APAF1: variants seen among roughly 807,000 people sequenced by gnomAD.
The protein encoded by APAF1 is apoptotic protease-activating factor 1.
In APAF1, 91 loss-of-function variants were observed where a neutral mutation model predicts 152.4. The observed-to-expected ratio is 0.60, with a 90% CI of 0.50 to 0.71. The LOEUF is 0.71. Ranked by LOEUF, APAF1 falls within the 30% of genes least tolerant of loss-of-function variation. APAF1 has a pLI of 0.00. For missense variants in APAF1, 1,283 were observed against 1,472.0 expected (o/e 0.87, Z 2.10); for synonymous variants, 484 against 494.1 (o/e 0.98, Z 0.27).
At position 98,670,116 on chromosome 12, in the gene APAF1, T is replaced by A. The variant is rs562151315; in HGVS notation, c.1495-857T>A. ...TGCACCACCACACCCGGCTAATTTTTGTATGTTTTGTAGAGTTGAGGTTTC... is the reference window on the plus strand; with the variant it reads ...TGCACCACCACACCCGGCTAATTTTAGTATGTTTTGTAGAGTTGAGGTTTC... On this transcript the variant is annotated intron_variant, in intron 10 of 26. Coordinates refer to ENST00000551964, the MANE Select transcript of APAF1 (RefSeq NM_181861.2). Among the ~76,000 whole-genome samples the A allele has an allele frequency of 4.2e-3, 635 of 152,120 alleles. 4 individuals carry two copies. The highest frequency in any genetic ancestry group is 7.8e-3 in the Non-Finnish European group (532 of 67,982).
intron 16 of APAF1, among the ~76,000 whole-genome samples, chr12:98,698,928 C>T (rs557464281): frequency 1.2e-4 from 19 of 152,166 alleles, no homozygotes; most frequent in Non-Finnish European, 2.5e-4. Context: ...CTTGCTTGTC[C>T]CTGTTTTCAG....
intron 22 of APAF1, among the ~76,000 whole-genome samples, chr12:98,716,619 A>G (rs1284678706): frequency 6.6e-6 from 1 of 152,154 alleles, no homozygotes; most frequent in Non-Finnish European, 1.5e-5. Flanking sequence ...CAGAATCTTG[A>G]AATTTCCTGA....
rs774566477 is a variant in APAF1, at chr12:98,647,706, T to G, written c.-41-613T>G. ...TGTTGTATGTGGGATCATGTTTCTG[T>G]TTTTTTTTTTTTTTTTTTTCAGCAA... is the stretch of plus-strand genomic sequence containing the variant. On this transcript the variant is annotated intron_variant, in intron 1 of 26. Coordinates refer to ENST00000551964, the MANE Select transcript of APAF1 (RefSeq NM_181861.2). Among the ~76,000 whole-genome samples, 20 of 73,426 alleles carry G rather than the reference T, an allele frequency of 2.7e-4. 1 individual carries two copies. Among genetic ancestry groups the G allele is most frequent in the African/African-American group, 7.4e-4 (13 of 17,532 alleles). The allele number at this position is 73,426 out of a possible 152,430, so 48.2% of individuals were successfully genotyped here. A position where few individuals can be genotyped will look rare whatever the true frequency, so the allele number is the denominator to read the frequency against.
intron 5 of APAF1, among the ~76,000 whole-genome samples, chr12:98,661,634 C>T (rs2097665516): frequency 2.0e-5 from 3 of 151,948 alleles, no homozygotes; most frequent in Admixed American, 2.0e-4. Flanking sequence ...TGCCACCTCG[C>T]CTGGCTAATA....
chr12:98,731,657 C>T (rs1464167502), intron 26 of APAF1, among the ~76,000 whole-genome samples: 2 of 152,196 alleles, frequency 1.3e-5, no homozygotes, highest in African/African-American at 4.8e-5. Flanking sequence ...GACACTATTA[C>T]TGTGTTCATA....
Position 98,723,752 on chromosome 12 carries a change from C to T in APAF1, c.3318C>T (p.Asp1106=), listed in dbSNP as rs979946286. The change falls in exon 24 of 27, where the codon GAC becomes GAT. Residue 1106 remains aspartate, a synonymous_variant. Coordinates refer to ENST00000551964, the MANE Select transcript of APAF1 (RefSeq NM_181861.2). ...CCAAGTTTTCATCTACCTCTGCTGA[C>T]AAGACTGCAAAGGTAGGTCAATCAA... ...DATKFSSTSA[D]KTAKIWSFDL... The T allele has an allele frequency of 6.2e-7, 1 of 1,613,622 alleles. No individual in the cohort carries two copies. Among genetic ancestry groups the T allele is most frequent in the Non-Finnish European group, 8.5e-7 (1 of 1,179,860 alleles).
chr12:98,699,265 G>A, intron 16 of APAF1, 143 bp from the exon 17 acceptor site: 1 of 803,138 alleles, frequency 1.2e-6, no homozygotes, highest in Non-Finnish European at 1.9e-6. Context: ...TAATTTAAAA[G>A]CCTTACAAAA....
chr12:98,698,322 G>C (rs1010926295), intron 16 of APAF1, among the ~76,000 whole-genome samples: 3 of 152,104 alleles, frequency 2.0e-5, no homozygotes, highest in Non-Finnish European at 4.4e-5. Context: ...CAAAGTGCTG[G>C]GATTACAGGT....
intron 18 of APAF1, 85 bp downstream of exon 18, chr12:98,703,584 C>T: frequency 6.5e-7 from 1 of 1,533,546 alleles, no homozygotes; most frequent in Non-Finnish European, 9.0e-7. Context: ...CCATTAACTG[C>T]TGAGGAGCCT....
At chr12:98,676,634 T>C (rs1056881521) in intron 12 of APAF1, among the ~76,000 whole-genome samples, 1 of 146,878 alleles carries the variant, frequency 6.8e-6, no homozygotes, top group Non-Finnish European at 1.5e-5. Flanking sequence ...TGAATAATTG[T>C]AGTTTGAGAG....
chr12:98,700,621 A>G lies in APAF1; in HGVS notation c.2466+1052A>G, dbSNP rs117592012. On this transcript the variant is annotated intron_variant, in intron 17 of 26. Transcript: ENST00000551964. ...ACTTTTTTATTGTGATAAAATGCATATAATGTAAAAGTTGCCATTTTAACC... is the reference window on the plus strand; with the variant it reads ...ACTTTTTTATTGTGATAAAATGCATGTAATGTAAAAGTTGCCATTTTAACC... 3.5e-4 allele frequency among the ~76,000 whole-genome samples: 53 copies of G among 152,366 alleles called. No individual in the cohort carries two copies. The East Asian group carries it at 9.8e-3, about 28-fold the overall frequency.
chr12:98,679,396 G>A lies in APAF1; in HGVS notation c.1921-881G>A, dbSNP rs548362480. On this transcript the variant is annotated intron_variant, in intron 13 of 26. Transcript: ENST00000551964. ...GAGCTGTGGAAAGGAGCTGCCCCCCGCAGGTTTATTGAGCTATTTTATCGC... is the reference window on the plus strand; with the variant it reads ...GAGCTGTGGAAAGGAGCTGCCCCCCACAGGTTTATTGAGCTATTTTATCGC... 3.6e-3 allele frequency among the ~76,000 whole-genome samples: 555 copies of A among 152,218 alleles called. 1 individual carries two copies. Among genetic ancestry groups the A allele is most frequent in the Non-Finnish European group, 5.5e-3 (376 of 67,984 alleles).
At chr12:98,705,554 C>T (rs895198221) in intron 18 of APAF1, among the ~76,000 whole-genome samples, 2 of 152,170 alleles carry the variant, frequency 1.3e-5, no homozygotes, top group African/African-American at 4.8e-5. Context: ...CATGCTAGTT[C>T]TGAAATGATA....
intron 4 of APAF1, among the ~76,000 whole-genome samples, chr12:98,652,707 A>G (rs1593018315): frequency 1.3e-5 from 2 of 151,978 alleles, no homozygotes; most frequent in Admixed American, 6.6e-5. Context: ...GCTCACCACA[A>G]TCTCTGCTTC....
chr12:98,722,003 T>A (rs192650014), intron 22 of APAF1, among the ~76,000 whole-genome samples: 22 of 152,318 alleles, frequency 1.4e-4, no homozygotes, highest in Non-Finnish European at 3.2e-4. Flanking sequence ...ACCTCAGAAT[T>A]TTAGCTTCAT....
At position 98,706,988 on chromosome 12, in the gene APAF1, A is replaced by C. The variant is rs532646069; in HGVS notation, c.2721+378A>C. On this transcript the variant is annotated intron_variant, in intron 19 of 26. Transcript: ENST00000551964. Reference sequence around the variant, plus strand: ...TTTCTATTATTATCTCTACCTTTCCATTTCTGCTGCCCAAGTTCAGGACTT... The same window carrying C: ...TTTCTATTATTATCTCTACCTTTCCCTTTCTGCTGCCCAAGTTCAGGACTT... Among the ~76,000 whole-genome samples the C allele has an allele frequency of 5.3e-5, 8 of 151,878 alleles. No individual in the cohort carries two copies. The East Asian group carries it at 1.5e-3, about 29-fold the overall frequency.
chr12:98,657,442 A>G (rs1008809689), intron 4 of APAF1, among the ~76,000 whole-genome samples: 1 of 152,182 alleles, frequency 6.6e-6, no homozygotes, highest in African/African-American at 2.4e-5. Flanking sequence ...CATCCAGACC[A>G]TTGCTTACGT....
chr12:98,729,566 A>G (rs1002978184), intron 26 of APAF1, among the ~76,000 whole-genome samples: 1 of 152,240 alleles, frequency 6.6e-6, no homozygotes, highest in Non-Finnish European at 1.5e-5. Flanking sequence ...GTACCGGTCC[A>G]TGGCCCAGGG....
At chr12:98,652,501 T>A (rs2097650211) in intron 4 of APAF1, among the ~76,000 whole-genome samples, 2 of 152,150 alleles carry the variant, frequency 1.3e-5, no homozygotes, top group Admixed American at 1.3e-4. Flanking sequence ...TCTTTTTTTA[T>A]GGATTTTGTT....
Sources: gnomAD v4.1 joint callset for allele counts (sites outside exome capture counted in the v4.1 genomes callset) on GRCh38, gnomAD v4.1.1 for gene constraint, MANE v1.5 for transcripts, NCBI Gene and HGNC (gene_info 2026-07-23, HGNC 2026-07-21) for gene names.